TRPC6: variants seen among roughly 807,000 people sequenced by gnomAD.
The protein encoded by TRPC6 is transient receptor potential cation channel subfamily C member 6, also known as short transient receptor potential channel 6.
TRPC6 carries 55 observed loss-of-function variants against 90.7 expected under a neutral mutation model. The observed-to-expected ratio is 0.61, with a 90% confidence interval of 0.49 to 0.76. The LOEUF (loss-of-function observed/expected upper bound fraction) is 0.76, where lower values mean the gene tolerates loss of function less well. Ranked by LOEUF, TRPC6 falls within the 30% of genes least tolerant of loss-of-function variation. TRPC6 has a pLI of 0.00. For synonymous variants in TRPC6, 393 were observed against 393.0 expected, an observed-to-expected ratio of 1.00 and a Z score of 0.00; for missense variants, 989 against 1,122.7, an observed-to-expected ratio of 0.88 and a Z score of 1.70.
rs749181706 is a variant in TRPC6 at position 101,491,606 on chromosome 11, G to A, written c.1078C>T (p.Arg360Cys). Residue 360 changes from arginine (R) to cysteine (C), a missense_variant, in exon 3 of 13, where the codon CGC (arginine) becomes TGC (cysteine). By Grantham distance (180) the Arg-to-Cys change is radical (BLOSUM62 -3). Around this residue, in one of 4 missense-constraint regions of TRPC6, gnomAD observed 486 missense variants for 591.9 expected, o/e 0.82. Transcript: ENST00000344327. ...AGTTTTAAACGGCTGAGATTTGGGC[G>A]ACCGTGATCACCACTCTGGAGCGTT... ...VETLQSGDHG[R>C]PNLSRLKLAI... is the part of the protein sequence containing the mutation. 4.3e-6 allele frequency: 7 copies of A among 1,613,670 alleles called. No homozygotes were observed. The highest frequency in any genetic ancestry group is 1.7e-5 in the Admixed American group (1 of 59,972).
chr11:101,558,972 G>C (rs368724294), intron 1 of TRPC6, among the ~76,000 whole-genome samples: 8 of 151,642 alleles, frequency 5.3e-5, no homozygotes, highest in Admixed American at 1.3e-4. Context: ...TGTTTTTTTT[G>C]GATTTAAGCC....
chr11:101,572,048 C>A (rs1235115565), intron 1 of TRPC6, among the ~76,000 whole-genome samples: 3 of 152,118 alleles, frequency 2.0e-5, no homozygotes, highest in African/African-American at 4.8e-5. Context: ...AGAGCTTCTG[C>A]ACAGCAAAAG....
intron 1 of TRPC6, among the ~76,000 whole-genome samples, chr11:101,568,577 T>C (rs1861887098): frequency 6.7e-6 from 1 of 149,356 alleles, no homozygotes; most frequent in African/African-American, 2.5e-5. Flanking sequence ...TCACCAAGGG[T>C]GAAATGAAGG....
chr11:101,554,364 T>C (rs1861516178), intron 1 of TRPC6, among the ~76,000 whole-genome samples: 1 of 152,084 alleles, frequency 6.6e-6, no homozygotes, highest in East Asian at 1.9e-4. Flanking sequence ...TTATGCTTGG[T>C]ATGTTAACTG....
At position 101,504,058 on chromosome 11, in the gene TRPC6, A is replaced by G; in HGVS notation, c.911T>C (p.Leu304Pro). The part of the protein sequence containing the change: ...VMTALELSNE[L>P]AVLANIEKEF... Reference sequence around the variant, plus strand: ...TTTCTCAATATTGGCCAGAACTGCCAGTTCATTGCTAAGTTCTAAAGCCGT... The same window carrying G: ...TTTCTCAATATTGGCCAGAACTGCCGGTTCATTGCTAAGTTCTAAAGCCGT... The change falls in exon 2 of 13, where the codon CTG becomes CCG. Residue 304 changes from leucine to proline, a missense_variant. Physicochemically the swap from Leu to Pro is moderately conservative, Grantham distance 98. This residue lies in a region of TRPC6 where 486 missense variants were observed against 591.9 expected (regional missense o/e 0.82). Transcript: ENST00000344327. The G allele has an allele frequency of 6.2e-7, 1 of 1,614,098 alleles. No homozygotes were observed. Among genetic ancestry groups the G allele is most frequent in the Non-Finnish European group, 8.5e-7 (1 of 1,179,968 alleles).
chr11:101,487,784 G>A (rs1031299501), intron 4 of TRPC6, among the ~76,000 whole-genome samples: 3 of 152,058 alleles, frequency 2.0e-5, no homozygotes, highest in African/African-American at 7.2e-5. Flanking sequence ...AAATATCTAT[G>A]ATGATGGATT....
At chr11:101,481,074 GAATTA>G (rs1175163471) in intron 5 of TRPC6, among the ~76,000 whole-genome samples, 4 of 152,142 alleles carry the variant, frequency 2.6e-5, no homozygotes, top group Non-Finnish European at 5.9e-5. Flanking sequence ...AAATGCTACT[GAATTA>G]AATTTAAAAT....
chr11:101,564,078 A>T (rs187605698), intron 1 of TRPC6, among the ~76,000 whole-genome samples: 44 of 152,316 alleles, frequency 2.9e-4, no homozygotes, highest in African/African-American at 8.9e-4. Context: ...AAGAAAAAAA[A>T]AAAAAGACTG....
At chr11:101,465,980 G>A (rs1249361359) in intron 10 of TRPC6, among the ~76,000 whole-genome samples, 1 of 152,132 alleles carries the variant, frequency 6.6e-6, no homozygotes, top group East Asian at 1.9e-4. Flanking sequence ...GACCTCTGAT[G>A]GGGTCTCTTG....
At chr11:101,560,638 T>C (rs1331439582) in intron 1 of TRPC6, among the ~76,000 whole-genome samples, 3 of 146,370 alleles carry the variant, frequency 2.0e-5, no homozygotes, top group Non-Finnish European at 4.6e-5. Flanking sequence ...AAATAAATCA[T>C]ACTACAGTGT....
chr11:101,556,601 T>C (rs1222789994), intron 1 of TRPC6, among the ~76,000 whole-genome samples: 1 of 152,192 alleles, frequency 6.6e-6, no homozygotes, highest in Non-Finnish European at 1.5e-5. Context: ...GCCTGATGGC[T>C]TCACAGCTGA....
intron 2 of TRPC6, among the ~76,000 whole-genome samples, chr11:101,496,289 T>C (rs564447563): frequency 1.3e-5 from 2 of 152,290 alleles, no homozygotes; most frequent in South Asian, 2.1e-4. Flanking sequence ...AAGTGTATTA[T>C]ACTATGATAT....
chr11:101,491,788 T>C, intron 2 of TRPC6, 50 bp from the exon 3 acceptor site: 1 of 1,551,400 alleles, frequency 6.4e-7, no homozygotes, highest in Non-Finnish European at 8.9e-7. Flanking sequence ...TACCACGTTT[T>C]ACTATGCTTC....
intron 4 of TRPC6, among the ~76,000 whole-genome samples, chr11:101,486,582 A>T (rs2136697821): frequency 6.6e-6 from 1 of 152,276 alleles, no homozygotes; most frequent in African/African-American, 2.4e-5. Flanking sequence ...AACAATTGAT[A>T]TTTGGATTAC....
chr11:101,495,037 C>T (rs765011419), intron 2 of TRPC6, among the ~76,000 whole-genome samples: 1 of 152,122 alleles, frequency 6.6e-6, no homozygotes, highest in Admixed American at 6.5e-5. Context: ...ATTTTGGTTC[C>T]TTGAGAGGAA....
intron 10 of TRPC6, among the ~76,000 whole-genome samples, chr11:101,458,565 A>G (rs1858935829): frequency 6.6e-6 from 1 of 152,206 alleles, no homozygotes; most frequent in Admixed American, 6.5e-5. Flanking sequence ...CTGAACAGCT[A>G]ATGCTAGCAA....
chr11:101,486,310 T>C (rs1012539940), intron 4 of TRPC6, among the ~76,000 whole-genome samples: 1 of 152,086 alleles, frequency 6.6e-6, no homozygotes, highest in African/African-American at 2.4e-5. Flanking sequence ...CTCTGGGATA[T>C]AGACAAATTT....
intron 1 of TRPC6, among the ~76,000 whole-genome samples, chr11:101,510,590 A>T (rs1260970908): frequency 6.6e-6 from 1 of 152,202 alleles, no homozygotes; most frequent in Non-Finnish European, 1.5e-5. Context: ...TGTTTATCAC[A>T]ACATATAAAT....
intron 1 of TRPC6, among the ~76,000 whole-genome samples, chr11:101,517,624 GT>G (rs1393779371): frequency 2.6e-5 from 4 of 152,120 alleles, no homozygotes; most frequent in Non-Finnish European, 4.4e-5. Flanking sequence ...AGAACCACAA[GT>G]TTTAAGTTCC....
Sources: gnomAD v4.1 joint callset for allele counts (sites outside exome capture counted in the v4.1 genomes callset) on GRCh38, gnomAD v4.1.1 for gene constraint, gnomAD v4.1.1 regional missense constraint, MANE v1.5 for transcripts, NCBI Gene and HGNC (gene_info 2026-07-23, HGNC 2026-07-21) for gene names.